SGCZ: variants seen among roughly 807,000 people sequenced by gnomAD.
The protein encoded by SGCZ is zeta-sarcoglycan.
A neutral mutation model predicts 41.3 loss-of-function variants in SGCZ; 40 were observed. The ratio of observed to expected loss-of-function variants is 0.97; its 90% CI spans 0.75 to 1.26. The LOEUF is 1.26. Among genes scored for constraint, SGCZ ranks in the 50% most tolerant of loss-of-function variants. SGCZ has a pLI of 0.00. For missense variants in SGCZ, 552 were observed against 369.8 expected (o/e 1.49, Z -4.04); for synonymous variants, 206 against 137.5 (o/e 1.50, Z -3.49).
chr8:14,239,901 CAAAAAAAAAAAAAAAAA>C (rs71209029), intron 3 of SGCZ, among the ~76,000 whole-genome samples: 1 of 41,364 alleles, frequency 2.4e-5, no homozygotes. Context: ...GACTCCGTCT[CAAAAAAAAAAAAAAAAA>C]AAAAAAAAAA....
chr8:14,496,086 G>C (rs1404827947), intron 2 of SGCZ, among the ~76,000 whole-genome samples: 1 of 152,176 alleles, frequency 6.6e-6, no homozygotes, highest in East Asian at 1.9e-4. Context: ...TTTCTTAAGG[G>C]ATAGGCTCTC....
At chr8:14,895,802 A>C (rs1032717118) in intron 1 of SGCZ, among the ~76,000 whole-genome samples, 2 of 152,360 alleles carry the variant, frequency 1.3e-5, no homozygotes, top group Admixed American at 6.5e-5. Flanking sequence ...GGAATAGCCT[A>C]AGAAGCTTTT....
intron 1 of SGCZ, among the ~76,000 whole-genome samples, chr8:14,813,728 G>A (rs1303185954): frequency 6.6e-6 from 1 of 152,192 alleles, no homozygotes; most frequent in African/African-American, 2.4e-5. Context: ...GAGGTGGGCA[G>A]ATCACCTGAG....
At chr8:14,393,177 A>G (rs189576643) in intron 2 of SGCZ, among the ~76,000 whole-genome samples, 67 of 152,322 alleles carry the variant, frequency 4.4e-4, no homozygotes, top group Non-Finnish European at 8.5e-4. Flanking sequence ...CGATATTGAT[A>G]TAAGAGTTAA....
chr8:14,716,167 A>G (rs373939895), intron 1 of SGCZ, among the ~76,000 whole-genome samples: 2 of 152,024 alleles, frequency 1.3e-5, no homozygotes, highest in South Asian at 4.1e-4. Flanking sequence ...TGAGCCGAGT[A>G]TCCAAATTTA....
intron 4 of SGCZ, among the ~76,000 whole-genome samples, chr8:14,183,818 A>C (rs2117029629): frequency 6.6e-6 from 1 of 152,326 alleles, no homozygotes; most frequent in Middle Eastern, 3.4e-3. Flanking sequence ...GGTCCTAACC[A>C]GAGGAATAAA....
intron 1 of SGCZ, among the ~76,000 whole-genome samples, chr8:15,023,010 G>A (rs1016902014): frequency 6.6e-6 from 1 of 152,082 alleles, no homozygotes; most frequent in Non-Finnish European, 1.5e-5. Flanking sequence ...AAACTACTGT[G>A]GGCATTTTCT....
intron 2 of SGCZ, among the ~76,000 whole-genome samples, chr8:14,378,480 G>C (rs1313377638): frequency 4.6e-5 from 7 of 152,082 alleles, no homozygotes; most frequent in African/African-American, 7.2e-5. Context: ...ACTACCATCA[G>C]AGTAAACAGG....
chr8:14,850,114 A>G (rs1803261445), intron 1 of SGCZ, among the ~76,000 whole-genome samples: 1 of 152,216 alleles, frequency 6.6e-6, no homozygotes, highest in African/African-American at 2.4e-5. Context: ...TTTATTTTCA[A>G]TGCCTTCACA....
chr8:14,401,209 T>C (rs116129037), intron 2 of SGCZ, among the ~76,000 whole-genome samples: 81 of 152,270 alleles, frequency 5.3e-4, no homozygotes, highest in South Asian at 1.2e-3. Context: ...ATTATGCATA[T>C]CAATAAAACA....
At chr8:14,204,009 T>C (rs1805538331) in intron 4 of SGCZ, among the ~76,000 whole-genome samples, 1 of 151,732 alleles carries the variant, frequency 6.6e-6, no homozygotes, top group South Asian at 2.1e-4. Context: ...AAGAATAATA[T>C]TCATAAATAT....
chr8:14,410,088 G>A (rs6530772), intron 2 of SGCZ, among the ~76,000 whole-genome samples: 67,545 of 151,496 alleles, frequency 0.45, 16,406 homozygotes, highest in African/African-American at 0.66. Flanking sequence ...CAGGGGTGGC[G>A]TTAGATTCTT....
chr8:14,220,203 G>A (rs1363461584), intron 4 of SGCZ, among the ~76,000 whole-genome samples: 2 of 152,106 alleles, frequency 1.3e-5, no homozygotes, highest in East Asian at 1.9e-4. Context: ...CAACTGAACT[G>A]AACTGAAAAC....
intron 1 of SGCZ, among the ~76,000 whole-genome samples, chr8:14,863,572 C>G (rs1321223118): frequency 1.3e-5 from 2 of 152,140 alleles, no homozygotes; most frequent in African/African-American, 4.8e-5. Flanking sequence ...CACTGACAGT[C>G]CTATCAGGCT....
At chr8:14,382,398 T>G (rs911578946) in intron 2 of SGCZ, among the ~76,000 whole-genome samples, 2 of 151,812 alleles carry the variant, frequency 1.3e-5, no homozygotes, top group African/African-American at 4.8e-5. Flanking sequence ...ACCTGTCTGA[T>G]GGTCACTAAC....
At chr8:14,878,884 G>C (rs1159505086) in intron 1 of SGCZ, among the ~76,000 whole-genome samples, 1 of 152,178 alleles carries the variant, frequency 6.6e-6, no homozygotes, top group East Asian at 1.9e-4. Context: ...ATTAGTGAAA[G>C]CAGTACTGTG....
chr8:14,941,082 C>G (rs192120260), intron 1 of SGCZ, among the ~76,000 whole-genome samples: 1 of 151,910 alleles, frequency 6.6e-6, no homozygotes, highest in Non-Finnish European at 1.5e-5. Context: ...TAGCATTAGG[C>G]AAAGTTTAAA....
At chr8:14,351,694 A>G (rs890287342) in intron 2 of SGCZ, among the ~76,000 whole-genome samples, 1 of 152,028 alleles carries the variant, frequency 6.6e-6, no homozygotes, top group Admixed American at 6.6e-5. Context: ...TTACTTTTAC[A>G]TAAAAAAAGA....
intron 1 of SGCZ, among the ~76,000 whole-genome samples, chr8:14,802,049 CA>C (rs1801336859): frequency 6.6e-6 from 1 of 152,090 alleles, no homozygotes; most frequent in Non-Finnish European, 1.5e-5. Context: ...GGAAGATGAA[CA>C]AATCTTCCCT....
Sources: gnomAD v4.1 joint callset for allele counts (sites outside exome capture counted in the v4.1 genomes callset) on GRCh38, gnomAD v4.1.1 for gene constraint, MANE v1.5 for transcripts, NCBI Gene and HGNC (gene_info 2026-07-23, HGNC 2026-07-21) for gene names.